The following ZNF233 variants were observed in gnomAD, a reference collection of about 807,000 sequenced individuals.
ZNF233 encodes zinc finger protein 233.
ZNF233 carries 7 observed loss-of-function variants against 11.6 expected under a neutral mutation model. That is an observed-to-expected ratio of 0.60 (90% CI 0.34 to 1.13). ZNF233 has a LOEUF of 1.13. ZNF233 is among the 50% of genes most tolerant of loss of function. ZNF233 has a pLI of 0.03. For missense variants in ZNF233, 711 were observed against 785.5 expected (o/e 0.91, Z 1.13); for synonymous variants, 226 against 268.5 (o/e 0.84, Z 1.55).
intron 4 of ZNF233, among the ~76,000 whole-genome samples, chr19:44,269,736 A>G (rs1166779869): frequency 2.0e-5 from 3 of 152,068 alleles, no homozygotes; most frequent in Non-Finnish European, 4.4e-5. Context: ...ATTGAGGTAA[A>G]ATTTACATGT....
intron 2 of ZNF233, among the ~76,000 whole-genome samples, chr19:44,265,725 GTTTC>G (rs762899584): frequency 6.6e-6 from 1 of 152,062 alleles, no homozygotes; most frequent in Non-Finnish European, 1.5e-5. Context: ...CGGCCACACA[GTTTC>G]TTTATGTACT....
chr19:44,274,710 G>C lies in ZNF233; in HGVS notation c.*37G>C. 1 of 1,487,564 alleles carries C rather than the reference G, an allele frequency of 6.7e-7. No individual in the cohort carries two copies. The highest frequency in any genetic ancestry group is 9.1e-7 in the Non-Finnish European group (1 of 1,102,604). 92.1% of individuals were successfully genotyped at this position (1,487,564 alleles called of 1,614,324 possible). ...CTATTAATCATGATGAGTGTGATAG[G>C]GGTGCTCTTCAAGACTTAGACTTCC... On this transcript the variant is annotated 3_prime_UTR_variant, in exon 5 of 5. Coordinates refer to ENST00000683810, the MANE Select transcript of ZNF233 (RefSeq NM_001207005.2).
intron 1 of ZNF233, among the ~76,000 whole-genome samples, chr19:44,261,511 T>G (rs1397780990): frequency 6.6e-6 from 1 of 152,052 alleles, no homozygotes; most frequent in East Asian, 1.9e-4. Flanking sequence ...TAAAAAAAAT[T>G]TTTTTAAGGA....
chr19:44,272,281 C>CA (rs1361401456), intron 4 of ZNF233, among the ~76,000 whole-genome samples: 4 of 126,264 alleles, frequency 3.2e-5, no homozygotes, highest in African/African-American at 1.2e-4. Flanking sequence ...ATAAAATCTA[C>CA]AAAATCCTGG....
rs139577784 is a variant in ZNF233 at position 44,271,154 on chromosome 19, T to G, written c.239-1745T>G. Among the ~76,000 whole-genome samples, 301 of 152,328 alleles carry G rather than the reference T, an allele frequency of 2.0e-3. 6 individuals are homozygous for G. Among genetic ancestry groups the G allele is most frequent in the Admixed American group, 0.017 (255 of 15,296 alleles). ...GTTCACTAATTGAATATTATATACTTAGAACCTCATTGAAAAGAAGGAGAA... is the reference window on the plus strand; with the variant it reads ...GTTCACTAATTGAATATTATATACTGAGAACCTCATTGAAAAGAAGGAGAA... On this transcript the variant is annotated intron_variant, in intron 4 of 4. Coordinates refer to ENST00000683810, the MANE Select transcript of ZNF233 (RefSeq NM_001207005.2).
At position 44,273,142 on chromosome 19, in the gene ZNF233, T is replaced by A. The variant is rs768794509; in HGVS notation, c.482T>A (p.Leu161Gln). The A allele has an allele frequency of 1.9e-6, 3 of 1,613,878 alleles. No homozygotes were observed. The highest frequency in any genetic ancestry group is 2.5e-6 in the Non-Finnish European group (3 of 1,179,958). The change falls in exon 5 of 5, where the codon CTA becomes CAA. Residue 161 changes from leucine to glutamine, a missense_variant. By Grantham distance (113) the Leu-to-Gln change is moderately radical (BLOSUM62 -2). Coordinates refer to ENST00000683810, the MANE Select transcript of ZNF233 (RefSeq NM_001207005.2). ...VSEDENYVIKLQGESSNSIKN... is the reference protein window; with the variant it reads ...VSEDENYVIKQQGESSNSIKN... ...GAAGATGAGAACTATGTAATAAAGC[T>A]ACAAGGGGAGAGTTCAAATAGCATA...
At position 44,266,038 on chromosome 19, in the gene ZNF233, G is replaced by A. The variant is rs1250473856; in HGVS notation, c.16-160G>A. On this transcript the variant is annotated intron_variant, in intron 2 of 4. Transcript: ENST00000683810. ...CTGTGGAAAAGTAGTCTATGAGATT[G>A]GCATGTGGGATGGAGAAAACGAGGA... 4.9e-6 allele frequency: 3 copies of A among 607,404 alleles called. No homozygotes were observed. The Admixed American group carries it at 1.1e-4, about 23-fold the overall frequency. 37.6% of individuals were successfully genotyped at this position (607,404 alleles called of 1,614,324 possible).
chr19:44,268,672 C>G (rs189844656), intron 4 of ZNF233, among the ~76,000 whole-genome samples: 1 of 152,176 alleles, frequency 6.6e-6, no homozygotes, highest in African/African-American at 2.4e-5. Context: ...TAATGGCTCC[C>G]TCACAGATCT....
intron 4 of ZNF233, among the ~76,000 whole-genome samples, chr19:44,272,505 C>T (rs1306076904): frequency 2.6e-5 from 4 of 152,060 alleles, no homozygotes; most frequent in South Asian, 2.1e-4. Flanking sequence ...GAGGCCGAGG[C>T]GGGCGGTTCA....
chr19:44,264,339 TC>T lies in ZNF233; in HGVS notation c.-18del, dbSNP rs780276046. The T allele has an allele frequency of 6.2e-7, 1 of 1,613,372 alleles. No homozygotes were observed. The highest frequency in any genetic ancestry group is 1.3e-5 in the African/African-American group (1 of 75,004). ...TTCTGCCTTCCCAGGACCCTGCCCTTCCCCAGAAGGAGCAGGAGAAAATGAC... is the reference window on the plus strand; with the variant it reads ...TTCTGCCTTCCCAGGACCCTGCCCTTCCCAGAAGGAGCAGGAGAAAATGAC... On this transcript the variant is annotated 5_prime_UTR_variant, in exon 2 of 5. Transcript: ENST00000683810.
At chr19:44,261,549 A>C (rs1456726267) in intron 1 of ZNF233, among the ~76,000 whole-genome samples, 1 of 152,134 alleles carries the variant, frequency 6.6e-6, no homozygotes, top group Non-Finnish European at 1.5e-5. Context: ...TGAGGAGATG[A>C]CATTTGAGTA....
Position 44,273,146 on chromosome 19 carries a change from A to G in ZNF233, c.486A>G (p.Gln162=), listed in dbSNP as rs774270839. 9.3e-6 allele frequency: 15 copies of G among 1,613,898 alleles called. No individual in the cohort carries two copies. In the Admixed American group the frequency reaches 1.2e-4, roughly 13 times the overall value. Residue 162 remains glutamine (Q), a synonymous_variant, in exon 5 of 5, where the codon CAA becomes CAG. Coordinates refer to ENST00000683810, the MANE Select transcript of ZNF233 (RefSeq NM_001207005.2). ...ATGAGAACTATGTAATAAAGCTACA[A>G]GGGGAGAGTTCAAATAGCATAAAAA... The part of the protein sequence containing the change: ...SEDENYVIKL[Q]GESSNSIKNQ...
In ZNF233 at chr19:44,274,046, T is replaced by A; in HGVS notation, c.1386T>A (p.Ser462Arg). 6.3e-7 allele frequency: 1 copy of A among 1,597,700 alleles called. No individual in the cohort carries two copies. Among genetic ancestry groups the A allele is most frequent in the South Asian group, 1.1e-5 (1 of 91,048 alleles). The change falls in exon 5 of 5, where the codon AGT becomes AGA. Residue 462 changes from serine to arginine, a missense_variant. Transcript: ENST00000683810. ...GTGAGGTATGTGATAAGGGCTTCAG[T>A]AAGGCCTCAAATCTTCAAGCCCATC... ...YKCEVCDKGF[S>R]KASNLQAHQR...
rs2123069013 is a variant in ZNF233, at chr19:44,273,413, C to T, written c.753C>T (p.Ser251=). The T allele has an allele frequency of 6.2e-7, 1 of 1,614,164 alleles. No homozygotes were observed. Among genetic ancestry groups the T allele is most frequent in the Middle Eastern group, 1.6e-4 (1 of 6,062 alleles). ...GTGTGAAGGAATCATCCCAGCATAG[C>T]ATAATCCAATCAGGAGAGCAAACCT... is the stretch of plus-strand genomic sequence containing the variant. ...KDCVKESSQH[S]IIQSGEQTSD... Residue 251 remains serine (S), a synonymous_variant, in exon 5 of 5, where the codon AGC becomes AGT. Transcript: ENST00000683810.
intron 1 of ZNF233, 70 bp downstream of exon 1, chr19:44,260,008 TG>T: frequency 2.3e-6 from 1 of 431,698 alleles, no homozygotes; most frequent in South Asian, 1.6e-5. Context: ...CGCAGGTGCC[TG>T]CCCTCGCTCT....
chr19:44,267,601 C>T, intron 4 of ZNF233: 1 of 388,098 alleles, frequency 2.6e-6, no homozygotes, highest in Admixed American at 4.5e-5. Flanking sequence ...AGGTTGGTCT[C>T]AAACTCCTGA....
chr19:44,266,389 A>G, intron 3 of ZNF233, 65 bp downstream of exon 3: 1 of 1,414,316 alleles, frequency 7.1e-7, no homozygotes. Context: ...TCAATTATTT[A>G]AGACTTTGGG....
intron 4 of ZNF233, 53 bp downstream of exon 4, chr19:44,267,014 C>G: frequency 7.3e-7 from 1 of 1,365,662 alleles, no homozygotes; most frequent in African/African-American, 1.4e-5. Context: ...GTCCTCTCCT[C>G]CTCACCACCT....
At chr19:44,269,917 G>A (rs183845502) in intron 4 of ZNF233, among the ~76,000 whole-genome samples, 10 of 152,096 alleles carry the variant, frequency 6.6e-5, no homozygotes, top group Admixed American at 4.6e-4. Flanking sequence ...ATCCACCTAC[G>A]TACCCAGCTC....
Sources: allele counts gnomAD v4.1 joint callset (sites outside exome capture counted in the v4.1 genomes callset), GRCh38; gene constraint gnomAD v4.1.1; transcripts MANE v1.5; gene names NCBI Gene and HGNC (gene_info 2026-07-23, HGNC 2026-07-21).